Variants in NKIRAS1 observed in about 807,000 individuals in gnomAD.
The protein encoded by NKIRAS1 is NF-kappa-B inhibitor-interacting Ras-like protein 1.
NKIRAS1 carries 16 observed loss-of-function variants against 19.8 expected under a neutral mutation model. The observed-to-expected ratio is 0.81, with a 90% confidence interval of 0.55 to 1.23. The LOEUF (loss-of-function observed/expected upper bound fraction) is 1.23, where lower values mean the gene tolerates loss of function less well. NKIRAS1 is among the 50% of genes most tolerant of loss of function. The pLI is 0.00. For synonymous variants in NKIRAS1, 88 were observed against 79.0 expected (o/e 1.11, Z -0.61); for missense variants, 184 against 220.0 (o/e 0.84, Z 1.04).
At chr3:23,920,295 ATTC>A (rs1471448927), upstream of NKIRAS1, 4 of 985,860 alleles carry the variant, frequency 4.1e-6, no homozygotes, top group Non-Finnish European at 4.8e-6. Flanking sequence ...TAAGTACGTC[ATTC>A]TTAGTCCAGT....
Position 23,890,086 on chromosome 3 carries a change from A to G in NKIRAS1, c.*3009T>C, listed in dbSNP as rs773535252. ...TAAAGGTTAATAGTGTTGCACTGCA[A>G]CAGCCCCGAAGACTTCACAGTATTC... is the stretch of plus-strand genomic sequence containing the variant. On this transcript the variant is annotated 3_prime_UTR_variant, in exon 5 of 5. Coordinates refer to ENST00000425478, the MANE Select transcript of NKIRAS1 (RefSeq NM_020345.4). 2.6e-5 allele frequency among the ~76,000 whole-genome samples: 4 copies of G among 152,136 alleles called. No individual in the cohort carries two copies. Among genetic ancestry groups the G allele is most frequent in the South Asian group, 4.1e-4 (2 of 4,822 alleles).
At chr3:23,910,757 A>T in intron 3 of NKIRAS1, 54 bp downstream of exon 3, 1 of 1,332,886 alleles carries the variant, frequency 7.5e-7, no homozygotes, top group South Asian at 1.2e-5. Flanking sequence ...GACCAACAAA[A>T]GACCCCTGAT....
exon 1 of NKIRAS1, chr3:23,946,350 GA>G (rs750207044): frequency 2.7e-5 from 26 of 956,318 alleles, no homozygotes; most frequent in Non-Finnish European, 3.1e-5. Context: ...GGAAGTGCAG[GA>G]CGAGGGCGTG....
In NKIRAS1 at chr3:23,905,811, A is replaced by AC. The variant is rs397988941; in HGVS notation, c.95-4763_95-4762insG. 6.6e-5 allele frequency among the ~76,000 whole-genome samples: 10 copies of AC among 150,750 alleles called. No homozygotes were observed. The South Asian group carries it at 1.9e-3, about 28-fold the overall frequency. On this transcript the variant is annotated intron_variant, in intron 3 of 4. Coordinates refer to ENST00000425478, the MANE Select transcript of NKIRAS1 (RefSeq NM_020345.4). The stretch of plus-strand genomic sequence containing the variant: ...AATGTGCTCCAAAAAAAAAAAAAAA[A>AC]GGTATAAGCCAAAAGAAGAAAAGAA...
At chr3:23,946,077 C>T in intron 1 of NKIRAS1, 7 of 984,310 alleles carry the variant, frequency 7.1e-6, no homozygotes, top group Non-Finnish European at 8.4e-6. Flanking sequence ...TCCCGGGAGG[C>T]TCCGCCCCTT....
Position 23,892,058 on chromosome 3 carries a change from C to A in NKIRAS1, c.*1037G>T, listed in dbSNP as rs1701509270. On this transcript the variant is annotated 3_prime_UTR_variant, in exon 5 of 5. Coordinates refer to ENST00000425478, the MANE Select transcript of NKIRAS1 (RefSeq NM_020345.4). ...CACTAGAGCTCATGAAAAAAGTATT[C>A]CATTTAAGATGTTACAAATTACTTG... is the stretch of plus-strand genomic sequence containing the variant. 6.6e-6 allele frequency: 1 copy of A among 152,130 alleles called. No homozygotes were observed. Among genetic ancestry groups the A allele is most frequent in the Non-Finnish European group, 1.5e-5 (1 of 68,024 alleles). 9.4% of individuals were successfully genotyped at this position (152,130 alleles called of 1,614,324 possible). A position where few individuals can be genotyped will look rare whatever the true frequency, so the allele number is the denominator to read the frequency against.
chr3:23,902,010 G>A (rs1702568269), intron 3 of NKIRAS1, among the ~76,000 whole-genome samples: 1 of 152,134 alleles, frequency 6.6e-6, no homozygotes, highest in Non-Finnish European at 1.5e-5. Flanking sequence ...GGAGGCAGAG[G>A]TTGCAGTGAG....
intron 3 of NKIRAS1, among the ~76,000 whole-genome samples, chr3:23,905,295 G>A (rs1394332501): frequency 6.6e-6 from 1 of 152,224 alleles, no homozygotes; most frequent in Non-Finnish European, 1.5e-5. Context: ...GAAGGAATGA[G>A]TTGCAACTGG....
chr3:23,893,636 A>G (rs1435995415), intron 4 of NKIRAS1, among the ~76,000 whole-genome samples: 1 of 151,964 alleles, frequency 6.6e-6, no homozygotes, highest in Non-Finnish European at 1.5e-5. Context: ...GTGAAACCCC[A>G]TCTCTACTGA....
At chr3:23,921,700 A>C, upstream of NKIRAS1, 1 of 657,310 alleles carries the variant, frequency 1.5e-6, no homozygotes, top group East Asian at 2.7e-5. Flanking sequence ...TCGGCCTCCC[A>C]AATAGCCAGG....
At chr3:23,918,633 G>C (rs1704853923), upstream of NKIRAS1, 1 of 1,571,188 alleles carries the variant, frequency 6.4e-7, no homozygotes, top group Non-Finnish European at 8.6e-7. Flanking sequence ...GTGGGAGAGA[G>C]AGATTAAGCA....
At chr3:23,903,278 TA>T (rs1355818068) in intron 3 of NKIRAS1, among the ~76,000 whole-genome samples, 1 of 152,164 alleles carries the variant, frequency 6.6e-6, no homozygotes, top group Non-Finnish European at 1.5e-5. Flanking sequence ...CAAGCCCCAC[TA>T]ATTCTTGTAT....
At chr3:23,894,320 G>A (rs181866758) in intron 4 of NKIRAS1, among the ~76,000 whole-genome samples, 101 of 152,322 alleles carry the variant, frequency 6.6e-4, no homozygotes, top group African/African-American at 2.4e-3. Context: ...AGGAGCAGCA[G>A]TGAACTCATC....
In NKIRAS1 at chr3:23,893,235, A is replaced by C; in HGVS notation, c.439T>G (p.Trp147Gly). ...TTCCGATCTGTAACAGTCACCTCCC[A>C]CAGTCTTACTTTCTCACTTTTTGCC... ...QWAKSEKVRL[W>G]EVTVTDRKTL... Residue 147 changes from tryptophan (W) to glycine (G), a missense_variant, in exon 5 of 5, where the codon TGG becomes GGG. By Grantham distance (184) the Trp-to-Gly change is radical (BLOSUM62 -2). Transcript: ENST00000425478. The C allele has an allele frequency of 1.2e-6, 2 of 1,614,122 alleles. No individual in the cohort carries two copies. The highest frequency in any genetic ancestry group is 1.7e-6 in the Non-Finnish European group (2 of 1,180,002).
chr3:23,919,695 T>C, upstream of NKIRAS1: 1 of 1,388,338 alleles, frequency 7.2e-7, no homozygotes, highest in Non-Finnish European at 9.3e-7. Context: ...AGATAAACTT[T>C]TTTGTCTTTG....
intron 4 of NKIRAS1, among the ~76,000 whole-genome samples, chr3:23,894,653 G>C (rs116793917): frequency 1.8e-3 from 209 of 118,318 alleles, no homozygotes; most frequent in African/African-American, 7.2e-3. Flanking sequence ...CCTCTGCTTT[G>C]AATGTTCCTT....
At chr3:23,918,625 G>C (rs989977181), upstream of NKIRAS1, 2 of 1,582,424 alleles carry the variant, frequency 1.3e-6, no homozygotes, top group African/African-American at 2.7e-5. Context: ...TGGGGATGGT[G>C]GGAGAGAGAG....
At chr3:23,910,236 C>T (rs1478156647) in intron 3 of NKIRAS1, among the ~76,000 whole-genome samples, 1 of 148,802 alleles carries the variant, frequency 6.7e-6, no homozygotes, top group East Asian at 2.0e-4. Flanking sequence ...TGGCTCACTG[C>T]AACCTCAGCC....
At chr3:23,943,611 TTTC>T (rs1180385937) in intron 1 of NKIRAS1, among the ~76,000 whole-genome samples, 2 of 152,266 alleles carry the variant, frequency 1.3e-5, no homozygotes, top group African/African-American at 2.4e-5. Flanking sequence ...TCTTTTATGA[TTTC>T]TTTTCTGCCT....
Sources: gnomAD v4.1 joint callset for allele counts (sites outside exome capture counted in the v4.1 genomes callset) on GRCh38, gnomAD v4.1.1 for gene constraint, MANE v1.5 for transcripts, NCBI Gene and HGNC (gene_info 2026-07-23, HGNC 2026-07-21) for gene names.